The following SLIT3 variants were observed in gnomAD, a reference collection of about 807,000 sequenced individuals.
The protein encoded by SLIT3 is slit homolog 3 protein.
SLIT3 carries 68 observed loss-of-function variants against 184.0 expected under a neutral mutation model. The observed-to-expected ratio is 0.37, with a 90% CI of 0.30 to 0.45. The LOEUF (loss-of-function observed/expected upper bound fraction) is 0.45, where lower values mean the gene tolerates loss of function less well. Ranked by LOEUF, SLIT3 falls within the 20% of genes least tolerant of loss-of-function variation. The pLI is 1.00. For missense variants in SLIT3, 1,707 were observed against 2,026.0 expected (o/e 0.84, Z 3.02); for synonymous variants, 831 against 828.6 (o/e 1.00, Z -0.05).
At position 168,723,216 on chromosome 5, in the gene SLIT3, C is replaced by T. The variant is rs370074049; in HGVS notation, c.2340-212G>A. ...TCACCCATCCGCTTTCCCATCCATC[C>T]GTCCATCCATACATCTACCCACCCA... On this transcript the variant is annotated intron_variant, in intron 21 of 35. Coordinates refer to ENST00000519560, the MANE Select transcript of SLIT3 (RefSeq NM_003062.4). Among the ~76,000 whole-genome samples the T allele has an allele frequency of 1.1e-4, 17 of 152,126 alleles. No homozygotes were observed. The East Asian group carries it at 1.7e-3, about 16-fold the overall frequency.
At chr5:169,247,322 A>T (rs1480139652) in intron 2 of SLIT3, among the ~76,000 whole-genome samples, 4 of 152,164 alleles carry the variant, frequency 2.6e-5, no homozygotes, top group African/African-American at 9.7e-5. Flanking sequence ...ACGTCACGCT[A>T]AATAGGGTCC....
chr5:168,778,176 ATC>A (rs1755825946), intron 12 of SLIT3, among the ~76,000 whole-genome samples: 1 of 152,076 alleles, frequency 6.6e-6, no homozygotes, highest in Non-Finnish European at 1.5e-5. Flanking sequence ...TACAGACTAC[ATC>A]TCTGTGTGCT....
chr5:169,162,776 A>C (rs992506594), intron 4 of SLIT3, among the ~76,000 whole-genome samples: 4 of 152,176 alleles, frequency 2.6e-5, no homozygotes. Context: ...AAATGAAGTT[A>C]GGGCAATGAC....
At chr5:169,235,799 T>TG (rs1765175752) in intron 3 of SLIT3, among the ~76,000 whole-genome samples, 1 of 152,210 alleles carries the variant, frequency 6.6e-6, no homozygotes, top group East Asian at 1.9e-4. Flanking sequence ...ATGATGGGTT[T>TG]CGGGGAGGAA....
intron 3 of SLIT3, among the ~76,000 whole-genome samples, chr5:169,221,826 C>T (rs984625879): frequency 2.6e-5 from 4 of 152,248 alleles, no homozygotes; most frequent in Admixed American, 1.3e-4. Context: ...TTTCTTCCCA[C>T]TATGTCTCTG....
intron 4 of SLIT3, among the ~76,000 whole-genome samples, chr5:169,164,136 C>A (rs1382057976): frequency 6.6e-6 from 1 of 152,204 alleles, no homozygotes; most frequent in Non-Finnish European, 1.5e-5. Context: ...CAACCCAAGA[C>A]ATCTAAACAT....
At chr5:169,010,783 G>A (rs1225137631) in intron 4 of SLIT3, among the ~76,000 whole-genome samples, 1 of 151,918 alleles carries the variant, frequency 6.6e-6, no homozygotes, top group Admixed American at 6.6e-5. Context: ...TATGCCTGCA[G>A]TCCCAGCTAC....
chr5:169,029,802 G>A (rs1756956605), intron 4 of SLIT3, among the ~76,000 whole-genome samples: 1 of 152,178 alleles, frequency 6.6e-6, no homozygotes, highest in South Asian at 2.1e-4. Flanking sequence ...GGTTTGTGGA[G>A]AGGAATACAC....
intron 4 of SLIT3, among the ~76,000 whole-genome samples, chr5:168,942,829 T>A (rs1029924765): frequency 2.6e-5 from 4 of 152,228 alleles, no homozygotes; most frequent in Non-Finnish European, 5.9e-5. Context: ...AGCCAATTTC[T>A]GACTGCTGAT....
At chr5:168,790,655 T>C (rs1044717727) in intron 10 of SLIT3, 1 of 152,110 alleles carries the variant, frequency 6.6e-6, no homozygotes. Flanking sequence ...AATAAATAAA[T>C]GGGTCTTTGC....
chr5:168,888,655 G>C (rs1296140007), intron 4 of SLIT3, among the ~76,000 whole-genome samples: 1 of 152,144 alleles, frequency 6.6e-6, no homozygotes, highest in Non-Finnish European at 1.5e-5. Context: ...GCACTTCTTT[G>C]ACTACCTCTT....
At chr5:169,048,475 G>A (rs1436424328) in intron 4 of SLIT3, among the ~76,000 whole-genome samples, 1 of 152,136 alleles carries the variant, frequency 6.6e-6, no homozygotes, top group Non-Finnish European at 1.5e-5. Flanking sequence ...AATTTGGTTA[G>A]GGTGACAGAT....
At position 169,193,459 on chromosome 5, in the gene SLIT3, C is replaced by T. The variant is rs756842372; in HGVS notation, c.413+20G>A. The stretch of plus-strand genomic sequence containing the variant: ...GCCAGGCAAGGCACAAGGTAGAGAA[C>T]ACAAGGCAACTCTACTCACAGTCTG... On this transcript the variant is annotated intron_variant, in intron 4 of 35. Transcript: ENST00000519560. 2 of 1,607,538 alleles carry T rather than the reference C, an allele frequency of 1.2e-6. No homozygotes were observed. Among genetic ancestry groups the T allele is most frequent in the South Asian group, 1.1e-5 (1 of 90,936 alleles).
At chr5:168,743,684 T>C (rs1226346626) in intron 20 of SLIT3, among the ~76,000 whole-genome samples, 1 of 152,152 alleles carries the variant, frequency 6.6e-6, no homozygotes, top group African/African-American at 2.4e-5. Flanking sequence ...GGAAGACATA[T>C]CAAAAACGAA....
rs1020776037 is a variant in SLIT3, at chr5:169,172,351, A to G, written c.413+21128T>C. 9.2e-5 allele frequency among the ~76,000 whole-genome samples: 14 copies of G among 152,150 alleles called. 1 individual carries two copies. In the South Asian group the frequency reaches 1.0e-3, roughly 11 times the overall value. ...TAATATTAAGAAGTTGTAACTTCCC[A>G]TTTTCTTAACACCAGTCCTATAAAG... On this transcript the variant is annotated intron_variant, in intron 4 of 35. Coordinates refer to ENST00000519560, the MANE Select transcript of SLIT3 (RefSeq NM_003062.4).
At chr5:168,880,855 C>T (rs1040382083) in intron 5 of SLIT3, among the ~76,000 whole-genome samples, 8 of 152,138 alleles carry the variant, frequency 5.3e-5, no homozygotes, top group African/African-American at 1.4e-4. Context: ...CCCCTCATTA[C>T]GTATAGCTAC....
chr5:168,977,516 C>A (rs764927532), intron 4 of SLIT3, among the ~76,000 whole-genome samples: 9 of 152,176 alleles, frequency 5.9e-5, no homozygotes, highest in Non-Finnish European at 1.2e-4. Flanking sequence ...TGACCAAATG[C>A]ATGACCCAAG....
At chr5:168,936,599 C>T (rs919753) in intron 4 of SLIT3, among the ~76,000 whole-genome samples, 24,808 of 152,004 alleles carry the variant, frequency 0.16, 3,080 homozygotes, top group African/African-American at 0.35. Flanking sequence ...TGAGAAAGAA[C>T]GAATCTCCCC....
At chr5:169,102,041 C>A (rs185683100) in intron 4 of SLIT3, among the ~76,000 whole-genome samples, 3 of 152,178 alleles carry the variant, frequency 2.0e-5, no homozygotes, top group Non-Finnish European at 2.9e-5. Flanking sequence ...AGTGAAGTGA[C>A]CCCTGTCCTA....
Sources: gnomAD v4.1 joint callset for allele counts (sites outside exome capture counted in the v4.1 genomes callset) on GRCh38, gnomAD v4.1.1 for gene constraint, MANE v1.5 for transcripts, NCBI Gene and HGNC (gene_info 2026-07-23, HGNC 2026-07-21) for gene names.